ADGRD2: variants seen among roughly 807,000 people sequenced by gnomAD.
ADGRD2 encodes the protein adhesion G protein-coupled receptor D2, also known as G protein-coupled receptor PGR24.
Under a neutral mutation model 44.4 loss-of-function variants are expected in ADGRD2, and 71 were observed. That is an observed-to-expected ratio of 1.60 (90% confidence interval 1.32 to 1.95). ADGRD2 has a LOEUF of 1.95. ADGRD2 is among the 30% of genes most tolerant of loss of function. The pLI, the probability that ADGRD2 is intolerant of heterozygous loss-of-function variation, is 0.00. For missense variants in ADGRD2, 1,039 were observed against 512.4 expected, an observed-to-expected ratio of 2.03 and a Z score of -9.92; for synonymous variants, 481 against 224.8, an observed-to-expected ratio of 2.14 and a Z score of -10.19.
At chr9:124,452,374 C>A in intron 1 of ADGRD2, 136 bp from the exon 5 acceptor site, 1 of 670,996 alleles carries the variant, frequency 1.5e-6, no homozygotes. Flanking sequence ...CAGGACTCAG[C>A]AGGCCATAGA....
chr9:124,453,047 C>T, exon 3 of ADGRD2: 2 of 670,506 alleles, frequency 3.0e-6, no homozygotes, highest in East Asian at 2.7e-5. Flanking sequence ...GCGCGCACCA[C>T]CGCCGTGCTG....
intron 17 of ADGRD2, among the ~76,000 whole-genome samples, chr9:124,473,431 A>G (rs1185238854): frequency 6.6e-6 from 1 of 152,204 alleles, no homozygotes; most frequent in Non-Finnish European, 1.5e-5. Flanking sequence ...ACGTCTAACC[A>G]AAGGGGATCA....
intron 17 of ADGRD2, among the ~76,000 whole-genome samples, chr9:124,472,262 C>T (rs1003562385): frequency 2.0e-5 from 3 of 152,166 alleles, no homozygotes; most frequent in Admixed American, 1.3e-4. Flanking sequence ...ATCTCTGAAT[C>T]TTCTCTGGTT....
In ADGRD2 at chr9:124,470,782, C is replaced by T. The variant is rs530067801; in HGVS notation, c.2758+168C>T. 4.1e-4 allele frequency among the ~76,000 whole-genome samples: 63 copies of T among 152,388 alleles called. No individual in the cohort carries two copies. In the South Asian group the frequency reaches 6.6e-3, roughly 16 times the overall value. ...GGGGTTTTGAGGGTGGCAGTGGGAA[C>T]AGGCAACCTCCAATCAACCAGCGGT... On this transcript the variant is annotated intron_variant, in intron 17 of 21. Coordinates refer to ENST00000334810, the Ensembl canonical transcript of ADGRD2.
At chr9:124,452,238 T>A in intron 1 of ADGRD2, 84 bp downstream of exon 4, 1 of 647,348 alleles carries the variant, frequency 1.5e-6, no homozygotes, top group Non-Finnish European at 2.9e-6. Context: ...TGGCCTAGAA[T>A]GCAAAGGAGG....
chr9:124,472,417 C>T (rs1010523053), intron 17 of ADGRD2, among the ~76,000 whole-genome samples: 3 of 152,158 alleles, frequency 2.0e-5, no homozygotes, highest in Non-Finnish European at 4.4e-5. Flanking sequence ...TCCTCAGTCT[C>T]TCTGACACTG....
chr9:124,452,472 C>T, intron 1 of ADGRD2, 38 bp from the exon 5 acceptor site: 1 of 718,064 alleles, frequency 1.4e-6, no homozygotes. Context: ...CAGATGCCCA[C>T]AAAATGCACC....
chr9:124,458,374 A>G, intron 9 of ADGRD2, 138 bp downstream of exon 12: 1 of 622,256 alleles, frequency 1.6e-6, no homozygotes, highest in South Asian at 1.9e-5. Context: ...ACACACACAC[A>G]CTTCTGCACC....
At position 124,476,566 on chromosome 9, in the gene ADGRD2, G is replaced by T. The variant is rs1564144860; in HGVS notation, c.2905-113G>T. ...CTGTTCTTGGGCTGAAGGGCCCAGG[G>T]AGGGGGAGCTGCTGGCGGCAAGCTG... On this transcript the variant is annotated intron_variant, in intron 20 of 21. Coordinates refer to ENST00000334810, the Ensembl canonical transcript of ADGRD2. The T allele has an allele frequency of 4.7e-6, 3 of 641,664 alleles. No homozygotes were observed. In the South Asian group the frequency reaches 5.1e-5, roughly 11 times the overall value. The allele number at this position is 641,664 out of a possible 1,614,324, so 39.7% of individuals were successfully genotyped here. A position where few individuals can be genotyped will look rare whatever the true frequency, so the allele number is the denominator to read the frequency against.
At chr9:124,477,586 A>AC (rs1832072574) in intron 21 of ADGRD2, among the ~76,000 whole-genome samples, 1 of 152,200 alleles carries the variant, frequency 6.6e-6, no homozygotes, top group South Asian at 2.1e-4. Context: ...CCAGGTCCCC[A>AC]CTGGCGCAGA....
chr9:124,475,708 C>T, intron 19 of ADGRD2, 93 bp downstream of exon 22: 1 of 559,888 alleles, frequency 1.8e-6, no homozygotes, highest in Non-Finnish European at 3.2e-6. Flanking sequence ...CCGTGCCAGC[C>T]CTGCCAGCTG....
At chr9:124,455,062 G>A (rs533128420) in exon 6 of ADGRD2, 107 of 717,644 alleles carry the variant, frequency 1.5e-4, no homozygotes, top group Admixed American at 6.6e-4. Context: ...GAGCCAAGGC[G>A]TTGTATCTGT....
chr9:124,452,839 T>A (rs1409013326), intron 2 of ADGRD2, 117 bp downstream of exon 5: 1 of 621,434 alleles, frequency 1.6e-6, no homozygotes, highest in Non-Finnish European at 2.9e-6. Flanking sequence ...CCCCATTGCA[T>A]CTCCAGGTTC....
chr9:124,457,645 T>G (rs571190870), intron 8 of ADGRD2, 39 bp downstream of exon 11: 1 of 567,008 alleles, frequency 1.8e-6, no homozygotes, highest in African/African-American at 1.9e-5. Flanking sequence ...CCCTGTTGGG[T>G]TCTGGGTCAA....
chr9:124,453,144 G>A, exon 3 of ADGRD2: 1 of 701,636 alleles, frequency 1.4e-6, no homozygotes. Flanking sequence ...GTACTCACGT[G>A]CAGTGGGACT....
intron 11 of ADGRD2, chr9:124,466,662 T>G: frequency 3.5e-6 from 1 of 288,760 alleles, no homozygotes; most frequent in East Asian, 6.9e-5. Context: ...ATGCAAAAAT[T>G]AGCCAGGTGT....
At chr9:124,464,574 C>A (rs1423435376) in intron 10 of ADGRD2, among the ~76,000 whole-genome samples, 1 of 152,228 alleles carries the variant, frequency 6.6e-6, no homozygotes, top group Non-Finnish European at 1.5e-5. Flanking sequence ...CCATCACCCT[C>A]CCCAGTCAGG....
intron 10 of ADGRD2, among the ~76,000 whole-genome samples, chr9:124,463,892 C>T (rs1236541388): frequency 2.0e-5 from 3 of 152,066 alleles, no homozygotes; most frequent in South Asian, 2.1e-4. Context: ...GGCTGGAGTG[C>T]GGTGGCACCA....
chr9:124,466,230 C>A, intron 10 of ADGRD2, 28 bp from the exon 14 acceptor site: 1 of 579,152 alleles, frequency 1.7e-6, no homozygotes, highest in Non-Finnish European at 3.3e-6. Context: ...CTTCTGGCCC[C>A]TCACCCCCTT....
Sources: allele counts gnomAD v4.1 joint callset (sites outside exome capture counted in the v4.1 genomes callset), GRCh38; gene constraint gnomAD v4.1.1; transcripts MANE v1.5; gene names NCBI Gene and HGNC (gene_info 2026-07-23, HGNC 2026-07-21).